The following GRID2 variants were observed in gnomAD, a reference collection of about 807,000 sequenced individuals.
The protein encoded by GRID2 is glutamate receptor ionotropic, delta-2.
GRID2 carries 33 observed loss-of-function variants against 114.8 expected under a neutral mutation model. That is an observed-to-expected ratio of 0.29 (90% CI 0.22 to 0.38). GRID2 has a LOEUF of 0.38. GRID2 is among the 10% of genes least tolerant of loss of function. The pLI is 1.00. For missense variants in GRID2, 1,184 were observed against 1,257.7 expected (o/e 0.94, Z 0.89); for synonymous variants, 505 against 449.9 (o/e 1.12, Z -1.55).
At chr4:93,565,243 C>T (rs993762895) in intron 13 of GRID2, among the ~76,000 whole-genome samples, 3 of 151,980 alleles carry the variant, frequency 2.0e-5, no homozygotes, top group African/African-American at 7.2e-5. Flanking sequence ...AAACTTAATA[C>T]ACCACACACA....
intron 4 of GRID2, among the ~76,000 whole-genome samples, chr4:93,126,623 A>G: frequency 1.1e-5 from 1 of 89,938 alleles, no homozygotes; most frequent in Non-Finnish European, 1.9e-5. Flanking sequence ...TTTGAGACGG[A>G]GTCTCGCTCT....
intron 4 of GRID2, among the ~76,000 whole-genome samples, chr4:93,151,672 T>C (rs943576077): frequency 1.3e-5 from 2 of 152,138 alleles, no homozygotes; most frequent in Admixed American, 1.3e-4. Context: ...ATATGAAATA[T>C]ACCACTGTTA....
At chr4:92,413,968 ATAGTT>A (rs1211281219) in intron 1 of GRID2, among the ~76,000 whole-genome samples, 2 of 152,168 alleles carry the variant, frequency 1.3e-5, no homozygotes, top group African/African-American at 4.8e-5. Flanking sequence ...CTTTAGATAA[ATAGTT>A]TAGAATGAGG....
intron 1 of GRID2, among the ~76,000 whole-genome samples, chr4:92,442,686 T>C (rs62312209): frequency 0.025 from 3,783 of 152,128 alleles, 50 homozygotes; most frequent in Non-Finnish European, 0.033. Context: ...GAGAATAAGA[T>C]GGCCTTTTGA....
At chr4:92,994,253 ATTTG>A (rs1755069254) in intron 2 of GRID2, among the ~76,000 whole-genome samples, 1 of 152,176 alleles carries the variant, frequency 6.6e-6, no homozygotes, top group Admixed American at 6.5e-5. Flanking sequence ...TTATATTCCA[ATTTG>A]TTTGTTTTAT....
chr4:92,969,840 A>G (rs1219567060), intron 2 of GRID2, among the ~76,000 whole-genome samples: 1 of 151,932 alleles, frequency 6.6e-6, no homozygotes, highest in African/African-American at 2.4e-5. Context: ...CCTGAGGACT[A>G]GATAACCAAG....
intron 2 of GRID2, among the ~76,000 whole-genome samples, chr4:92,623,876 G>GT (rs930877145): frequency 6.6e-6 from 1 of 151,532 alleles, no homozygotes; most frequent in African/African-American, 2.4e-5. Flanking sequence ...ATTTTTGGCA[G>GT]TTTTTTCAAA....
chr4:92,676,440 A>G (rs906531822), intron 2 of GRID2, among the ~76,000 whole-genome samples: 4 of 151,920 alleles, frequency 2.6e-5, no homozygotes, highest in African/African-American at 9.7e-5. Flanking sequence ...TCAGCCTCCC[A>G]AAGTGCTGGG....
At chr4:93,036,320 A>C (rs972206344) in intron 2 of GRID2, among the ~76,000 whole-genome samples, 1 of 152,068 alleles carries the variant, frequency 6.6e-6, no homozygotes, top group Non-Finnish European at 1.5e-5. Context: ...AAAAATGAGC[A>C]TTTACATATG....
intron 8 of GRID2, among the ~76,000 whole-genome samples, chr4:93,386,878 G>A (rs1764365994): frequency 6.6e-6 from 1 of 152,160 alleles, no homozygotes; most frequent in African/African-American, 2.4e-5. Context: ...AGAGTCCCCA[G>A]TAAAGAAGCC....
chr4:92,663,455 T>A (rs1308230087), intron 2 of GRID2, among the ~76,000 whole-genome samples: 1 of 151,216 alleles, frequency 6.6e-6, no homozygotes, highest in East Asian at 1.9e-4. Context: ...AGGGTCATTC[T>A]TTCTGTAGGA....
At chr4:92,894,579 A>G (rs920646018) in intron 2 of GRID2, among the ~76,000 whole-genome samples, 1 of 152,186 alleles carries the variant, frequency 6.6e-6, no homozygotes, top group African/African-American at 2.4e-5. Flanking sequence ...AATTAATAGA[A>G]GGATAGATTT....
chr4:93,185,584 T>C (rs1157146573), intron 4 of GRID2, among the ~76,000 whole-genome samples: 1 of 152,220 alleles, frequency 6.6e-6, no homozygotes, highest in East Asian at 1.9e-4. Context: ...TCTCTTTATA[T>C]ATCTCTTAAA....
At chr4:93,093,051 G>A (rs575735555) in intron 3 of GRID2, among the ~76,000 whole-genome samples, 1 of 152,128 alleles carries the variant, frequency 6.6e-6, no homozygotes, top group African/African-American at 2.4e-5. Context: ...ATCACCATTT[G>A]TTTATGGAAC....
At chr4:92,521,701 T>C (rs893890194) in intron 1 of GRID2, among the ~76,000 whole-genome samples, 1 of 151,902 alleles carries the variant, frequency 6.6e-6, no homozygotes, top group Non-Finnish European at 1.5e-5. Flanking sequence ...TGACGAATCA[T>C]GTTGGTTAAT....
intron 3 of GRID2, among the ~76,000 whole-genome samples, chr4:93,092,991 G>A (rs895300377): frequency 1.3e-5 from 2 of 152,010 alleles, no homozygotes; most frequent in Non-Finnish European, 2.9e-5. Flanking sequence ...GAGCTTGAAT[G>A]ACCTAAGCAA....
At chr4:93,804,434 G>A (rs987273953) in intron 1 of GRID2, among the ~76,000 whole-genome samples, 15 of 152,088 alleles carry the variant, frequency 9.9e-5, no homozygotes, top group Admixed American at 5.2e-4. Context: ...ACAGCACGCC[G>A]CTGTACAGAA....
rs1188153810 is a variant in GRID2 at position 92,633,660 on chromosome 4, A to G, written c.244+43374A>G. Among the ~76,000 whole-genome samples the G allele has an allele frequency of 2.6e-5, 4 of 152,302 alleles. No homozygotes were observed. In the South Asian group the frequency reaches 6.2e-4, roughly 24 times the overall value. On this transcript the variant is annotated intron_variant, in intron 2 of 15. Coordinates refer to ENST00000282020, the MANE Select transcript of GRID2 (RefSeq NM_001510.4). ...AGGTTTGAGGTTTTGAAGAGATTGA[A>G]TAATGATTTTGGGGTACAGCTTGTG... is the stretch of plus-strand genomic sequence containing the variant.
intron 2 of GRID2, among the ~76,000 whole-genome samples, chr4:92,713,340 G>GA (rs751447093): frequency 7.2e-4 from 109 of 150,702 alleles, no homozygotes; most frequent in Non-Finnish European, 1.3e-3. Flanking sequence ...TTAGTAATAG[G>GA]AAAAAATAAG....
Sources: gnomAD v4.1 joint callset for allele counts (sites outside exome capture counted in the v4.1 genomes callset) on GRCh38, gnomAD v4.1.1 for gene constraint, MANE v1.5 for transcripts, NCBI Gene and HGNC (gene_info 2026-07-23, HGNC 2026-07-21) for gene names.